PPIL6: variants seen among roughly 807,000 people sequenced by gnomAD.
PPIL6 encodes peptidylprolyl isomerase like 6.
PPIL6 carries 39 observed loss-of-function variants against 36.8 expected under a neutral mutation model. That is an observed-to-expected ratio of 1.06 (90% CI 0.82 to 1.38). PPIL6 has a LOEUF of 1.38. PPIL6 is among the 40% of genes most tolerant of loss of function. The probability of loss-of-function intolerance (pLI) is 0.00; values close to 1 mark genes in which losing one functional copy is unlikely to be tolerated. For missense variants in PPIL6, 368 were observed against 379.1 expected (o/e 0.97, Z 0.24); for synonymous variants, 123 against 134.1 (o/e 0.92, Z 0.57).
chr6:109,437,697 G>A (rs1482906369), intron 1 of PPIL6, among the ~76,000 whole-genome samples: 1 of 151,890 alleles, frequency 6.6e-6, no homozygotes, highest in African/African-American at 2.4e-5. Flanking sequence ...TGGGATTACA[G>A]GCACCCGCCA....
intron 1 of PPIL6, 79 bp downstream of exon 1, chr6:109,440,377 G>A (rs1162882581): frequency 3.4e-6 from 5 of 1,488,092 alleles, no homozygotes; most frequent in East Asian, 5.2e-5. Context: ...GCCTCGAGGA[G>A]GCGCGGCGCC....
At chr6:109,416,224 C>G (rs1468926943) in intron 6 of PPIL6, among the ~76,000 whole-genome samples, 1 of 112,032 alleles carries the variant, frequency 8.9e-6, no homozygotes, top group Non-Finnish European at 1.7e-5. Flanking sequence ...TTTTTTGAGA[C>G]AAGAGTCTTA....
rs374163295 is a variant in PPIL6 at position 109,438,716 on chromosome 6, G to C, written c.135+1740C>G. On this transcript the variant is annotated intron_variant, in intron 1 of 7. Coordinates refer to ENST00000521072, the MANE Select transcript of PPIL6 (RefSeq NM_173672.5). ...CGATTCTCCAGCCTCAGCTTCCCGAGTAGCTGGGATTACAGGCGCCCGCCA... is the reference window on the plus strand; with the variant it reads ...CGATTCTCCAGCCTCAGCTTCCCGACTAGCTGGGATTACAGGCGCCCGCCA... Among the ~76,000 whole-genome samples, 51 of 152,060 alleles carry C rather than the reference G, an allele frequency of 3.4e-4. No individual in the cohort carries two copies. The East Asian group carries it at 9.9e-3, about 29-fold the overall frequency.
chr6:109,410,145 C>T (rs1055679109), intron 6 of PPIL6, among the ~76,000 whole-genome samples: 5 of 152,196 alleles, frequency 3.3e-5, no homozygotes, highest in East Asian at 1.9e-4. Flanking sequence ...GATCTTCACC[C>T]GTGTCCCATG....
intron 7 of PPIL6, among the ~76,000 whole-genome samples, chr6:109,398,089 AC>A (rs1414803883): frequency 6.6e-6 from 1 of 152,012 alleles, no homozygotes. Flanking sequence ...ATGGGGTTTC[AC>A]CATGTTGGCC....
At chr6:109,418,544 T>C (rs1773378924) in intron 6 of PPIL6, among the ~76,000 whole-genome samples, 1 of 147,718 alleles carries the variant, frequency 6.8e-6, no homozygotes. Flanking sequence ...AGCAATCTTT[T>C]TTTCTTTTTT....
At chr6:109,411,537 C>T (rs1031906647) in intron 6 of PPIL6, among the ~76,000 whole-genome samples, 5 of 152,200 alleles carry the variant, frequency 3.3e-5, no homozygotes, top group African/African-American at 1.2e-4. Flanking sequence ...ACAGATATAA[C>T]CAGGGCACTG....
chr6:109,391,936 T>C lies in PPIL6; in HGVS notation c.*890A>G, dbSNP rs1772110639. On this transcript the variant is annotated 3_prime_UTR_variant, in exon 8 of 8. Transcript: ENST00000521072. ...ATTTGGTTACTTACCAAGTTTCTCC[T>C]AGGAGTACATGTAGTTACAAACAAG... 1 of 152,248 alleles carries C rather than the reference T, an allele frequency of 6.6e-6. No homozygotes were observed. Among genetic ancestry groups the C allele is most frequent in the African/African-American group, 2.4e-5 (1 of 41,466 alleles). 9.4% of individuals were successfully genotyped at this position (152,248 alleles called of 1,614,324 possible). A position where few individuals can be genotyped will look rare whatever the true frequency, so the allele number is the denominator to read the frequency against.
chr6:109,417,009 C>A (rs1006930546), intron 6 of PPIL6, among the ~76,000 whole-genome samples: 8 of 151,002 alleles, frequency 5.3e-5, no homozygotes, highest in African/African-American at 1.9e-4. Context: ...CTCTACAAAT[C>A]TTTTTTTTAA....
chr6:109,427,103 C>A lies in PPIL6; in HGVS notation c.474G>T (p.Leu158Phe). The A allele has an allele frequency of 1.2e-6, 2 of 1,610,972 alleles. No individual in the cohort carries two copies. The highest frequency in any genetic ancestry group is 1.3e-5 in the African/African-American group (1 of 74,978). ...TAAAAAAAAGTATCACCTCAAAAAT[C>A]AATCTTCCAATTGGAGAAGAATCAA... ...ICIDSSPIGR[L>F]IFELYCDVCP... The change falls in exon 4 of 8, where the codon TTG becomes TTT. Residue 158 changes from leucine (L) to phenylalanine (F), a missense_variant. Physicochemically the swap from Leu to Phe is conservative, Grantham distance 22 (BLOSUM62 0). Coordinates refer to ENST00000521072, the MANE Select transcript of PPIL6 (RefSeq NM_173672.5).
chr6:109,395,729 C>T (rs1304556806), intron 7 of PPIL6, among the ~76,000 whole-genome samples: 4 of 151,818 alleles, frequency 2.6e-5, no homozygotes, highest in African/African-American at 9.7e-5. Context: ...CTCAGCCTCC[C>T]GAGCAGCCGG....
At chr6:109,433,677 G>C (rs530361948) in intron 2 of PPIL6, among the ~76,000 whole-genome samples, 2 of 152,196 alleles carry the variant, frequency 1.3e-5, no homozygotes, top group East Asian at 3.8e-4. Flanking sequence ...GTTGAACCTA[G>C]TGAGTTCAGA....
chr6:109,420,652 C>A (rs1057328945), intron 5 of PPIL6, among the ~76,000 whole-genome samples: 2 of 152,210 alleles, frequency 1.3e-5, no homozygotes, highest in African/African-American at 4.8e-5. Context: ...CCCCCATCCT[C>A]CCCATCAGTA....
At chr6:109,436,244 T>TAAAA in intron 1 of PPIL6, 45 bp from the exon 2 acceptor site, 1 of 1,187,076 alleles carries the variant, frequency 8.4e-7, no homozygotes, top group Non-Finnish European at 1.2e-6. Flanking sequence ...AGTTCTCTTT[T>TAAAA]AAAGTCAAAA....
At chr6:109,422,093 G>A (rs922278420) in intron 5 of PPIL6, among the ~76,000 whole-genome samples, 2 of 152,098 alleles carry the variant, frequency 1.3e-5, no homozygotes, top group South Asian at 4.1e-4. Flanking sequence ...GGCCAGACTG[G>A]TCTCGAACTC....
At chr6:109,437,850 G>GT (rs1162386867) in intron 1 of PPIL6, among the ~76,000 whole-genome samples, 3 of 152,138 alleles carry the variant, frequency 2.0e-5, no homozygotes, top group African/African-American at 7.2e-5. Flanking sequence ...GATTACAGGC[G>GT]TGAGCCACCG....
At chr6:109,397,097 C>T (rs917541511) in intron 7 of PPIL6, among the ~76,000 whole-genome samples, 9 of 149,918 alleles carry the variant, frequency 6.0e-5, no homozygotes, top group African/African-American at 2.0e-4. Flanking sequence ...TCTGCTTCTC[C>T]CTTAGCACTC....
In PPIL6 at chr6:109,392,551, ACCACTGGCGTTCTATTCCTGTC is replaced by A. The variant is rs1772132526; in HGVS notation, c.*253_*274del. On this transcript the variant is annotated 3_prime_UTR_variant, in exon 8 of 8. Coordinates refer to ENST00000521072, the MANE Select transcript of PPIL6 (RefSeq NM_173672.5). ...GACTGGATGAAGGGGAAGGGGCAGG[ACCACTGGCGTTCTATTCCTGTC>A]CCACTGGCCAGAACCATCTCTCATG... 3.1e-6 allele frequency: 1 copy of A among 321,010 alleles called. No individual in the cohort carries two copies. Among genetic ancestry groups the A allele is most frequent in the African/African-American group, 2.2e-5 (1 of 46,376 alleles). The allele number at this position is 321,010 out of a possible 1,614,324, so 19.9% of individuals were successfully genotyped here.
intron 7 of PPIL6, among the ~76,000 whole-genome samples, chr6:109,398,798 A>G (rs1425278256): frequency 2.6e-5 from 4 of 152,210 alleles, no homozygotes; most frequent in African/African-American, 9.6e-5. Context: ...ATATTAGTAT[A>G]TTATTAAGCA....
Sources: gnomAD v4.1 joint callset for allele counts (sites outside exome capture counted in the v4.1 genomes callset) on GRCh38, gnomAD v4.1.1 for gene constraint, MANE v1.5 for transcripts, NCBI Gene and HGNC (gene_info 2026-07-23, HGNC 2026-07-21) for gene names.